Variants in TMTC2 observed in about 807,000 individuals in gnomAD.
TMTC2 encodes transmembrane O-mannosyltransferase targeting cadherins 2.
A neutral mutation model predicts 82.4 loss-of-function variants in TMTC2; 43 were observed. The ratio of observed to expected loss-of-function variants is 0.52; its 90% CI spans 0.41 to 0.67. TMTC2 has a LOEUF of 0.67. Ranked by LOEUF, TMTC2 falls within the 30% of genes least tolerant of loss-of-function variation. The pLI is 0.00. For missense variants in TMTC2, 919 were observed against 1,012.4 expected (o/e 0.91, Z 1.25); for synonymous variants, 408 against 381.9 (o/e 1.07, Z -0.80).
At chr12:82,810,750 T>TC (rs1238341480) in intron 1 of TMTC2, among the ~76,000 whole-genome samples, 1 of 152,098 alleles carries the variant, frequency 6.6e-6, no homozygotes, top group Non-Finnish European at 1.5e-5. Context: ...TGGGGCTGTT[T>TC]CCCTCATGCT....
At chr12:83,013,241 T>C (rs1355993126) in intron 8 of TMTC2, among the ~76,000 whole-genome samples, 1 of 152,162 alleles carries the variant, frequency 6.6e-6, no homozygotes, top group Non-Finnish European at 1.5e-5. Context: ...TCCAAACATT[T>C]ATGAAATTAA....
intron 11 of TMTC2, among the ~76,000 whole-genome samples, chr12:83,089,123 G>A (rs1332122830): frequency 1.3e-5 from 2 of 152,162 alleles, no homozygotes; most frequent in East Asian, 3.8e-4. Context: ...ACTTTGGTTT[G>A]TAGGAGTCAA....
Position 83,132,471 on chromosome 12 carries a change from AAGAGCTGGTGTT to A in TMTC2, c.*86_*97del, listed in dbSNP as rs1885293768. On this transcript the variant is annotated 3_prime_UTR_variant, in exon 12 of 12. Transcript: ENST00000321196. ...CAGAACTTCCCAGCAGTGCTATGAC[AAGAGCTGGTGTT>A]AGACTTCAAGACCAGGGCAGAGGTC... 1 of 1,495,112 alleles carries A rather than the reference AAGAGCTGGTGTT, an allele frequency of 6.7e-7. No homozygotes were observed. Among genetic ancestry groups the A allele is most frequent in the African/African-American group, 1.4e-5 (1 of 70,994 alleles). 92.6% of individuals were successfully genotyped at this position (1,495,112 alleles called of 1,614,324 possible).
At chr12:83,130,866 G>A (rs769709332) in intron 11 of TMTC2, among the ~76,000 whole-genome samples, 1 of 152,180 alleles carries the variant, frequency 6.6e-6, no homozygotes, top group African/African-American at 2.4e-5. Context: ...TATGTTAGGG[G>A]ATTTCACCAA....
At chr12:83,010,077 T>C (rs1229787534) in intron 8 of TMTC2, among the ~76,000 whole-genome samples, 1 of 152,140 alleles carries the variant, frequency 6.6e-6, no homozygotes, top group East Asian at 1.9e-4. Flanking sequence ...GCAGCCTGGT[T>C]CCAAACAGGC....
At chr12:82,874,807 C>T (rs1592593041) in intron 2 of TMTC2, among the ~76,000 whole-genome samples, 1 of 152,036 alleles carries the variant, frequency 6.6e-6, no homozygotes, top group African/African-American at 2.4e-5. Flanking sequence ...CCTGTATAAT[C>T]ATTTTATGCA....
Position 82,841,559 on chromosome 12 carries a change from C to T in TMTC2, c.84-15451C>T, listed in dbSNP as rs149015060. Among the ~76,000 whole-genome samples the T allele has an allele frequency of 2.1e-4, 32 of 152,290 alleles. 2 individuals carry two copies. The East Asian group carries it at 6.0e-3, about 28-fold the overall frequency. ...TCGCATATCCGTGTGTCCGAAAAAACTCTGATTTAGCTGTGAGGCTGATTT... is the reference window on the plus strand; with the variant it reads ...TCGCATATCCGTGTGTCCGAAAAAATTCTGATTTAGCTGTGAGGCTGATTT... On this transcript the variant is annotated intron_variant, in intron 1 of 11. Coordinates refer to ENST00000321196, the MANE Select transcript of TMTC2 (RefSeq NM_152588.3).
chr12:83,100,654 C>T (rs1294795593), intron 11 of TMTC2, among the ~76,000 whole-genome samples: 1 of 151,906 alleles, frequency 6.6e-6, no homozygotes, highest in Admixed American at 6.6e-5. Flanking sequence ...CAGAAATGAT[C>T]TGTCTGATCA....
chr12:83,077,880 C>CTTTTTTT (rs751044763), intron 11 of TMTC2, among the ~76,000 whole-genome samples: 3 of 92,930 alleles, frequency 3.2e-5, no homozygotes, highest in Non-Finnish European at 5.9e-5. Context: ...GACAATCTGT[C>CTTTTTTT]TTTTTTTTTT....
intron 8 of TMTC2, among the ~76,000 whole-genome samples, chr12:83,023,749 G>A (rs1881041872): frequency 6.6e-6 from 1 of 152,208 alleles, no homozygotes; most frequent in East Asian, 1.9e-4. Context: ...TCCTTGAACA[G>A]TGTGAAGCAC....
At chr12:82,845,537 A>G (rs1305795163) in intron 1 of TMTC2, among the ~76,000 whole-genome samples, 1 of 151,980 alleles carries the variant, frequency 6.6e-6, no homozygotes, top group Non-Finnish European at 1.5e-5. Flanking sequence ...TCAAATCTGG[A>G]AAATTAGAAA....
Position 82,805,497 on chromosome 12 carries a change from C to CTTTT in TMTC2, c.84-51488_84-51485dup, listed in dbSNP as rs753878105. Among the ~76,000 whole-genome samples, 35 of 90,584 alleles carry CTTTT rather than the reference C, an allele frequency of 3.9e-4. 3 individuals are homozygous for CTTTT. Among genetic ancestry groups the CTTTT allele is most frequent in the African/African-American group, 1.3e-3 (27 of 20,714 alleles). The allele number at this position is 90,584 out of a possible 152,430, so 59.4% of individuals were successfully genotyped here. ...TAGTAAGTTTACTCTCCTCTCCCCA[C>CTTTT]TTTTTTTTTTTTTTTTTTTTTTTTT... On this transcript the variant is annotated intron_variant, in intron 1 of 11. Transcript: ENST00000321196.
chr12:83,084,966 A>G (rs1043843501), intron 11 of TMTC2, among the ~76,000 whole-genome samples: 3 of 152,212 alleles, frequency 2.0e-5, no homozygotes, highest in African/African-American at 7.2e-5. Flanking sequence ...TTTTTCCAGA[A>G]CTTGTGCTGT....
At chr12:82,818,100 A>G (rs1161840772) in intron 1 of TMTC2, among the ~76,000 whole-genome samples, 2 of 152,092 alleles carry the variant, frequency 1.3e-5, no homozygotes, top group East Asian at 1.9e-4. Flanking sequence ...TCTTTTCTAC[A>G]TGAAAATAAT....
At chr12:83,080,450 C>T (rs1483223224) in intron 11 of TMTC2, among the ~76,000 whole-genome samples, 1 of 151,720 alleles carries the variant, frequency 6.6e-6, no homozygotes, top group South Asian at 2.1e-4. Context: ...AGAATAAACA[C>T]GATAATGTTG....
At chr12:83,116,874 T>C in intron 11 of TMTC2, among the ~76,000 whole-genome samples, 1 of 152,228 alleles carries the variant, frequency 6.6e-6, no homozygotes, top group Non-Finnish European at 1.5e-5. Context: ...TCTTCCACTC[T>C]GTGTGTTGTC....
chr12:82,835,565 A>G (rs1869988908), intron 1 of TMTC2, among the ~76,000 whole-genome samples: 3 of 152,232 alleles, frequency 2.0e-5, no homozygotes, highest in Admixed American at 6.5e-5. Flanking sequence ...ATCTTTTTGG[A>G]TACTGGACCC....
chr12:83,077,377 T>A (rs1290853277), intron 11 of TMTC2, among the ~76,000 whole-genome samples: 1 of 152,116 alleles, frequency 6.6e-6, no homozygotes, highest in East Asian at 1.9e-4. Context: ...GTCTTACACT[T>A]AGCTCATATC....
In TMTC2 at chr12:83,108,100, C is replaced by T. The variant is rs148960163; in HGVS notation, c.2332-24110C>T. The stretch of plus-strand genomic sequence containing the variant: ...TTATGTTTCCTGAGGCCTCCCCAGC[C>T]GTGCTTTTTATACAGCCTATAGAAC... On this transcript the variant is annotated intron_variant, in intron 11 of 11. Coordinates refer to ENST00000321196, the MANE Select transcript of TMTC2 (RefSeq NM_152588.3). 2.1e-3 allele frequency among the ~76,000 whole-genome samples: 325 copies of T among 152,164 alleles called. 2 individuals are homozygous for T. Among genetic ancestry groups the T allele is most frequent in the Middle Eastern group, 6.8e-3 (2 of 294 alleles).
Sources: allele counts gnomAD v4.1 joint callset (sites outside exome capture counted in the v4.1 genomes callset), GRCh38; gene constraint gnomAD v4.1.1; transcripts MANE v1.5; gene names NCBI Gene and HGNC (gene_info 2026-07-23, HGNC 2026-07-21).